CACNA1E: variants seen among roughly 807,000 people sequenced by gnomAD.
CACNA1E encodes the protein calcium voltage-gated channel subunit alpha1 E.
Under a neutral mutation model 259.2 loss-of-function variants are expected in CACNA1E, and 40 were observed. That is an observed-to-expected ratio of 0.15 (90% CI 0.12 to 0.20). The LOEUF is 0.20. CACNA1E is among the 10% of genes least tolerant of loss of function. The pLI is 1.00. For synonymous variants in CACNA1E, 1,104 were observed against 1,138.5 expected (o/e 0.97, Z 0.61); for missense variants, 1,874 against 3,040.1 (o/e 0.62, Z 9.02).
intron 1 of CACNA1E, among the ~76,000 whole-genome samples, chr1:181,360,900 G>T (rs555967693): frequency 6.6e-6 from 1 of 152,100 alleles, no homozygotes; most frequent in Non-Finnish European, 1.5e-5. Context: ...TTGCCCCCTA[G>T]GGTTCTACCT....
rs1657993999 is a variant in CACNA1E at position 181,755,324 on chromosome 1, A to G, written c.3916A>G (p.Ile1306Val). Residue 1306 changes from isoleucine to valine, a missense_variant, in exon 28 of 48, where the codon ATC (isoleucine) becomes GTC (valine). Transcript: ENST00000367573. Reference sequence around the variant, plus strand: ...GCTCTTCATGTTCATCTTTGCTGTCATCGCAGTTCAGCTCTTCAAGGGAAA... The same window carrying G: ...GCTCTTCATGTTCATCTTTGCTGTCGTCGCAGTTCAGCTCTTCAAGGGAAA... Reference protein sequence around the residue: ...YKLFMFIFAVIAVQLFKGKFF... With the variant: ...YKLFMFIFAVVAVQLFKGKFF... The G allele has an allele frequency of 1.3e-5, 21 of 1,613,744 alleles. No individual in the cohort carries two copies. The highest frequency in any genetic ancestry group is 2.2e-5 in the East Asian group (1 of 44,906).
intron 1 of CACNA1E, among the ~76,000 whole-genome samples, chr1:181,318,333 G>T (rs901248152): frequency 2.0e-5 from 3 of 152,128 alleles, no homozygotes; most frequent in Non-Finnish European, 4.4e-5. Context: ...TCCTCTGCAC[G>T]CTCTGTCCGT....
intron 35 of CACNA1E, among the ~76,000 whole-genome samples, chr1:181,766,830 C>G (rs936131322): frequency 1.3e-5 from 2 of 152,162 alleles, no homozygotes; most frequent in African/African-American, 4.8e-5. Context: ...GGTACAGGGG[C>G]TTCATCTCAG....
chr1:181,762,296 C>CT (rs1174921689), intron 32 of CACNA1E, among the ~76,000 whole-genome samples: 3 of 151,986 alleles, frequency 2.0e-5, no homozygotes, highest in African/African-American at 7.2e-5. Flanking sequence ...TTGAAAAAAA[C>CT]TTTTTTTACA....
intron 36 of CACNA1E, chr1:181,771,654 G>A: frequency 2.1e-6 from 1 of 476,670 alleles, no homozygotes; most frequent in Non-Finnish European, 3.7e-6. Flanking sequence ...TTGGGTGGGA[G>A]AAAATTTCAT....
In CACNA1E at chr1:181,798,893, T is replaced by C. The variant is rs550692716; in HGVS notation, c.*59T>C. ...TCACATGGAGAAAACCAAGACAGAA[T>C]TGGGAAGCCAGTGCGGCCCGGGGGG... On this transcript the variant is annotated 3_prime_UTR_variant, in exon 48 of 48. Coordinates refer to ENST00000367573, the MANE Select transcript of CACNA1E (RefSeq NM_001205293.3). This position sits in a 1 kb window ranked among gnomAD's most constrained non-coding sequence, Gnocchi z 4.2. 1 of 1,426,198 alleles carries C rather than the reference T, an allele frequency of 7.0e-7. No homozygotes were observed. Among genetic ancestry groups the C allele is most frequent in the South Asian group, 1.6e-5 (1 of 61,610 alleles). 88.3% of individuals were successfully genotyped at this position (1,426,198 alleles called of 1,614,324 possible).
intron 3 of CACNA1E, among the ~76,000 whole-genome samples, chr1:181,555,237 C>G (rs138268177): frequency 3.3e-5 from 5 of 152,276 alleles, no homozygotes; most frequent in African/African-American, 1.2e-4. Context: ...ATGTTGGTCA[C>G]TAGACCCAGA....
intron 18 of CACNA1E, among the ~76,000 whole-genome samples, chr1:181,726,839 G>A (rs1469448677): frequency 6.6e-6 from 1 of 152,122 alleles, no homozygotes; most frequent in Non-Finnish European, 1.5e-5. Flanking sequence ...TTAGACTAGG[G>A]TGGGGGAAGT....
intron 2 of CACNA1E, among the ~76,000 whole-genome samples, chr1:181,455,733 C>T (rs1455680712): frequency 6.6e-6 from 1 of 152,014 alleles, no homozygotes; most frequent in African/African-American, 2.4e-5. Flanking sequence ...TCTTTTTTTT[C>T]ATCCTTGACC....
chr1:181,592,762 C>G (rs143824387), intron 6 of CACNA1E, among the ~76,000 whole-genome samples: 1,592 of 152,220 alleles, frequency 0.01, 28 homozygotes, highest in African/African-American at 0.036. Flanking sequence ...TGAAGACTCC[C>G]TTGTTCCTTC....
chr1:181,413,237 G>C (rs904882375), exon 2 of CACNA1E: 1 of 152,710 alleles, frequency 6.5e-6, no homozygotes, highest in South Asian at 2.1e-4. Flanking sequence ...GCCCAGGTCC[G>C]CGGGCCGCCG....
Position 181,483,588 on chromosome 1 carries a change from T to TGCC in CACNA1E, c.-156_-154dup. ...GTTCACAGCGGCGGGCTGCTGCTGC[T>TGCC]GCCTCTCCGAAGAGCTCGCGGAGCT... On this transcript the variant is annotated 5_prime_UTR_variant, in exon 1 of 48. Coordinates refer to ENST00000367573, the MANE Select transcript of CACNA1E (RefSeq NM_001205293.3). The TGCC allele has an allele frequency of 2.2e-6, 1 of 450,598 alleles. No individual in the cohort carries two copies. The highest frequency in any genetic ancestry group is 3.5e-5 in the East Asian group (1 of 28,934). The allele number at this position is 450,598 out of a possible 1,614,324, so 27.9% of individuals were successfully genotyped here.
At chr1:181,745,985 G>A (rs144297497) in intron 25 of CACNA1E, among the ~76,000 whole-genome samples, 5 of 152,252 alleles carry the variant, frequency 3.3e-5, no homozygotes, top group African/African-American at 1.2e-4. Context: ...TGTGTGTGAG[G>A]AGCTCGTTGA....
At chr1:181,709,458 C>A (rs959941427) in intron 7 of CACNA1E, among the ~76,000 whole-genome samples, 1 of 152,178 alleles carries the variant, frequency 6.6e-6, no homozygotes, top group African/African-American at 2.4e-5. Context: ...GGCAGGAGGG[C>A]CAGGTGTGAC....
chr1:181,412,292 C>T (rs532340271), intron 1 of CACNA1E, among the ~76,000 whole-genome samples: 7 of 152,318 alleles, frequency 4.6e-5, no homozygotes, highest in Admixed American at 2.6e-4. Flanking sequence ...TCTCCTTAGG[C>T]TGGGCTCAGA....
intron 2 of CACNA1E, among the ~76,000 whole-genome samples, chr1:181,467,599 G>A (rs1370495764): frequency 1.3e-5 from 2 of 152,102 alleles, no homozygotes; most frequent in African/African-American, 2.4e-5. Flanking sequence ...CTTAAGGCAT[G>A]GAGCCCTGTG....
chr1:181,549,078 T>A (rs148423845), intron 3 of CACNA1E, among the ~76,000 whole-genome samples: 25 of 152,262 alleles, frequency 1.6e-4, no homozygotes, highest in African/African-American at 5.5e-4. Flanking sequence ...AGCTGGAAGG[T>A]CTGACTGCAT....
intron 1 of CACNA1E, among the ~76,000 whole-genome samples, chr1:181,488,107 T>C (rs1328858519): frequency 6.6e-6 from 1 of 152,242 alleles, no homozygotes; most frequent in African/African-American, 2.4e-5. Flanking sequence ...AATCTCCCAT[T>C]GTAAAATGTC....
intron 43 of CACNA1E, among the ~76,000 whole-genome samples, chr1:181,788,000 T>G (rs1177017440): frequency 6.6e-6 from 1 of 152,212 alleles, no homozygotes; most frequent in Non-Finnish European, 1.5e-5. Flanking sequence ...TGTGATCAGA[T>G]GTGTGCTTTC....
Sources: gnomAD v4.1 joint callset for allele counts (sites outside exome capture counted in the v4.1 genomes callset) on GRCh38, gnomAD v4.1.1 for gene constraint, Gnocchi (gnomAD v3.1) non-coding constraint, MANE v1.5 for transcripts, NCBI Gene and HGNC (gene_info 2026-07-23, HGNC 2026-07-21) for gene names.